Variants in F3 observed in about 807,000 individuals in gnomAD.
F3 encodes coagulation factor III, tissue factor, also known as tissue factor.
A neutral mutation model predicts 33.5 loss-of-function variants in F3; 18 were observed. The observed-to-expected ratio is 0.54, with a 90% CI of 0.37 to 0.80. The LOEUF (loss-of-function observed/expected upper bound fraction) is 0.80, where lower values mean the gene tolerates loss of function less well. Ranked by LOEUF, F3 falls within the 30% of genes least tolerant of loss-of-function variation. The pLI, the probability that F3 is intolerant of heterozygous loss-of-function variation, is 0.00. For missense variants in F3, 353 were observed against 362.1 expected (o/e 0.97, Z 0.20); for synonymous variants, 147 against 140.7 (o/e 1.05, Z -0.32).
chr1:94,540,571 C>T, intron 1 of F3: 1 of 514,410 alleles, frequency 1.9e-6, no homozygotes, highest in East Asian at 3.4e-5. Flanking sequence ...ACAAGATTCA[C>T]CTTGTAATCC....
In F3 at chr1:94,540,228, T is replaced by C. The variant is rs184787337; in HGVS notation, c.212+29A>G. The stretch of plus-strand genomic sequence containing the variant: ...TAGGACAGTAGAAACATCAAAGACC[T>C]TAATTTTCTTTTTCTGTACCCAGCT... On this transcript the variant is annotated intron_variant, in intron 2 of 5. Coordinates refer to ENST00000334047, the MANE Select transcript of F3 (RefSeq NM_001993.5). 1.2e-4 allele frequency: 170 copies of C among 1,429,422 alleles called. No homozygotes were observed. The African/African-American group carries it at 2.3e-3, about 19-fold the overall frequency. 88.5% of individuals were successfully genotyped at this position (1,429,422 alleles called of 1,614,324 possible). A position where few individuals can be genotyped will look rare whatever the true frequency, so the allele number is the denominator to read the frequency against.
At chr1:94,532,254 A>G (rs1306474584) in intron 5 of F3, 67 bp downstream of exon 5, 20 of 1,491,752 alleles carry the variant, frequency 1.3e-5, no homozygotes, top group Non-Finnish European at 1.8e-5. Context: ...CTGAGGGTGG[A>G]GCTACTCCTC....
intron 4 of F3, 170 bp downstream of exon 4, chr1:94,532,920 A>G: frequency 1.5e-6 from 1 of 663,466 alleles, no homozygotes; most frequent in Non-Finnish European, 2.5e-6. Context: ...AGTCACAGGT[A>G]GGACCAGGCC....
intron 5 of F3, among the ~76,000 whole-genome samples, chr1:94,531,000 G>C (rs1651406591): frequency 6.6e-6 from 1 of 152,174 alleles, no homozygotes; most frequent in African/African-American, 2.4e-5. Flanking sequence ...TAACTAGTTG[G>C]TGCAGTAGCA....
rs376235835 is a variant in F3, at chr1:94,541,752, G to T, written c.-116C>A. 7 of 531,326 alleles carry T rather than the reference G, an allele frequency of 1.3e-5. 1 individual carries two copies. The Admixed American group carries it at 1.8e-4, about 13-fold the overall frequency. The allele number at this position is 531,326 out of a possible 1,614,324, so 32.9% of individuals were successfully genotyped here. A position where few individuals can be genotyped will look rare whatever the true frequency, so the allele number is the denominator to read the frequency against. ...GAGTGCGAGGGGGTGCGGGGAGCTCGCAGTCTTGGGGAGCCGGTGCCCCGC... is the reference window on the plus strand; with the variant it reads ...GAGTGCGAGGGGGTGCGGGGAGCTCTCAGTCTTGGGGAGCCGGTGCCCCGC... On this transcript the variant is annotated 5_prime_UTR_variant, in exon 1 of 6. Transcript: ENST00000334047.
At chr1:94,539,271 T>C (rs1043082884) in intron 2 of F3, among the ~76,000 whole-genome samples, 1 of 151,670 alleles carries the variant, frequency 6.6e-6, no homozygotes, top group African/African-American at 2.4e-5. Context: ...CACACATGCA[T>C]GCACGTATGC....
rs572199207 is a variant in F3, at chr1:94,534,875, A to G, written c.412+1090T>C. On this transcript the variant is annotated intron_variant, in intron 3 of 5. Transcript: ENST00000334047. ...ACTATTAATATAAAAGAGAATCATG[A>G]GGATGCCATTAATTAGGGGGGAAAT... is the stretch of plus-strand genomic sequence containing the variant. Among the ~76,000 whole-genome samples the G allele has an allele frequency of 2.0e-5, 3 of 152,306 alleles. No individual in the cohort carries two copies. The East Asian group carries it at 5.8e-4, about 29-fold the overall frequency.
chr1:94,529,513 A>AAATG lies in F3; in HGVS notation c.*946_*947insCATT, dbSNP rs1458685861. The AAATG allele has an allele frequency of 6.6e-6, 1 of 152,620 alleles. No individual in the cohort carries two copies. Among genetic ancestry groups the AAATG allele is most frequent in the Non-Finnish European group, 1.5e-5 (1 of 68,034 alleles). The allele number at this position is 152,620 out of a possible 1,614,324, so 9.5% of individuals were successfully genotyped here. ...TGTAGTTTGTATAGTAGTCTTATAA[A>AAATG]AATATAGTTAGCTCTCAAATGTTTA... is the stretch of plus-strand genomic sequence containing the variant. On this transcript the variant is annotated 3_prime_UTR_variant, in exon 6 of 6. Transcript: ENST00000334047.
intron 2 of F3, 75 bp from the exon 3 acceptor site, chr1:94,536,239 G>A: frequency 7.5e-7 from 1 of 1,336,052 alleles, no homozygotes; most frequent in Non-Finnish European, 1.1e-6. Context: ...CTGCTTCCTG[G>A]CTGTGGTGTT....
chr1:94,535,795 G>A (rs1557701879), intron 3 of F3, among the ~76,000 whole-genome samples, 170 bp downstream of exon 3: 1 of 152,062 alleles, frequency 6.6e-6, no homozygotes, highest in African/African-American at 2.4e-5. Context: ...TTCACATTCT[G>A]TGAACCTCCT....
In F3 at chr1:94,530,060, C is replaced by T. The variant is rs187452932; in HGVS notation, c.*400G>A. 1,444 of 109,612 alleles carry T rather than the reference C, an allele frequency of 0.013. 17 individuals carry two copies. The highest frequency in any genetic ancestry group is 0.019 in the Non-Finnish European group (1,160 of 62,252). 6.8% of individuals were successfully genotyped at this position (109,612 alleles called of 1,614,324 possible). ...CTGCACTCCAGCCTGGGCAACAGAG[C>T]AAGACTCCGTCTCAAAAAAAAAAAA... On this transcript the variant is annotated 3_prime_UTR_variant, in exon 6 of 6. Coordinates refer to ENST00000334047, the MANE Select transcript of F3 (RefSeq NM_001993.5).
At chr1:94,540,759 T>A (rs1354948309) in intron 1 of F3, 1 of 183,178 alleles carries the variant, frequency 5.5e-6, no homozygotes, top group Non-Finnish European at 1.1e-5. Flanking sequence ...AAAAGATAAA[T>A]CCCACACGTG....
chr1:94,532,973 C>A, intron 4 of F3, 117 bp downstream of exon 4: 1 of 1,057,378 alleles, frequency 9.5e-7, no homozygotes, highest in Non-Finnish European at 1.4e-6. Flanking sequence ...CCCTTCTACT[C>A]CATCACCTTC....
At chr1:94,541,154 GCACGCCAA>G (rs1198223702) in intron 1 of F3, 1 of 204,116 alleles carries the variant, frequency 4.9e-6, no homozygotes, top group East Asian at 1.1e-4. Context: ...CCAAACCTCT[GCACGCCAA>G]CACGTGCAGA....
intron 1 of F3, among the ~76,000 whole-genome samples, chr1:94,541,228 C>T (rs1400600246): frequency 2.0e-5 from 3 of 152,236 alleles, no homozygotes; most frequent in African/African-American, 7.2e-5. Context: ...AGCCCTTTCC[C>T]CAGAGTTAAA....
chr1:94,529,619 C>T lies in F3; in HGVS notation c.*841G>A, dbSNP rs901612577. 4 of 152,338 alleles carry T rather than the reference C, an allele frequency of 2.6e-5. No homozygotes were observed. The East Asian group carries it at 5.8e-4, about 22-fold the overall frequency. 9.4% of individuals were successfully genotyped at this position (152,338 alleles called of 1,614,324 possible). A position where few individuals can be genotyped will look rare whatever the true frequency, so the allele number is the denominator to read the frequency against. ...GAATACCAATGTCTCCTGCACTTAA[C>T]ACATTAATACAAAGTTTGCCAATTG... On this transcript the variant is annotated 3_prime_UTR_variant, in exon 6 of 6. Transcript: ENST00000334047.
intron 5 of F3, among the ~76,000 whole-genome samples, chr1:94,531,137 G>C (rs1280441329): frequency 6.6e-6 from 1 of 152,182 alleles, no homozygotes; most frequent in African/African-American, 2.4e-5. Flanking sequence ...GACAATGACT[G>C]AAGGCTGTGG....
intron 5 of F3, 23 bp downstream of exon 5, chr1:94,532,298 A>G (rs751062530): frequency 1.9e-6 from 3 of 1,612,264 alleles, no homozygotes; most frequent in Non-Finnish European, 2.5e-6. Context: ...ACCCCCAGGC[A>G]AATGGCTGGC....
chr1:94,532,623 C>T (rs1205371975), intron 4 of F3, 143 bp from the exon 5 acceptor site: 10 of 871,584 alleles, frequency 1.1e-5, no homozygotes, highest in African/African-American at 3.4e-5. Context: ...GAAGTGACTT[C>T]GCTAATCAGT....
Sources: gnomAD v4.1 joint callset for allele counts (sites outside exome capture counted in the v4.1 genomes callset) on GRCh38, gnomAD v4.1.1 for gene constraint, MANE v1.5 for transcripts, NCBI Gene and HGNC (gene_info 2026-07-23, HGNC 2026-07-21) for gene names.